PTPRG: variants seen among roughly 807,000 people sequenced by gnomAD.
PTPRG encodes the protein protein tyrosine phosphatase receptor type G, also known as receptor-type tyrosine-protein phosphatase gamma.
A neutral mutation model predicts 165.3 loss-of-function variants in PTPRG; 102 were observed. The observed-to-expected ratio is 0.62, with a 90% confidence interval of 0.53 to 0.73. PTPRG has a LOEUF of 0.73. Among genes scored for constraint, PTPRG ranks in the 30% least tolerant of loss-of-function variants. The pLI, the probability that PTPRG is intolerant of heterozygous loss-of-function variation, is 0.00. For missense variants in PTPRG, 1,866 were observed against 1,861.4 expected (o/e 1.00, Z -0.05); for synonymous variants, 675 against 669.5 (o/e 1.01, Z -0.13).
intron 2 of PTPRG, among the ~76,000 whole-genome samples, chr3:61,849,794 A>T (rs1575720238): frequency 6.6e-6 from 1 of 152,316 alleles, no homozygotes. Flanking sequence ...TGGGGTGCTT[A>T]ACTACAGACT....
At chr3:62,006,476 C>T (rs377504706) in intron 4 of PTPRG, among the ~76,000 whole-genome samples, 1 of 152,098 alleles carries the variant, frequency 6.6e-6, no homozygotes. Flanking sequence ...CATATAACTA[C>T]ATTGTTTTCC....
intron 26 of PTPRG, among the ~76,000 whole-genome samples, chr3:62,279,037 G>T (rs1427060096): frequency 6.6e-6 from 1 of 152,014 alleles, no homozygotes; most frequent in East Asian, 1.9e-4. Context: ...GTGTCTCTCT[G>T]AGGCCTCAGA....
In PTPRG at chr3:61,953,722, C is replaced by T. The variant is rs1004447618; in HGVS notation, c.191-35903C>T. Among the ~76,000 whole-genome samples the T allele has an allele frequency of 2.6e-5, 4 of 152,172 alleles. No homozygotes were observed. In the South Asian group the frequency reaches 8.3e-4, roughly 32 times the overall value. ...AGAAGGGTGATGGAGATGCACCTTC[C>T]ATTCTTTCAGCACGTCAGTCATACT... On this transcript the variant is annotated intron_variant, in intron 2 of 29. Coordinates refer to ENST00000474889, the MANE Select transcript of PTPRG (RefSeq NM_002841.4).
At chr3:61,975,003 T>A (rs2040469463) in intron 2 of PTPRG, among the ~76,000 whole-genome samples, 1 of 152,242 alleles carries the variant, frequency 6.6e-6, no homozygotes, top group Admixed American at 6.5e-5. Context: ...GCCATCTCTC[T>A]GAGTTTGAAT....
chr3:61,672,063 G>C (rs1245681559), intron 1 of PTPRG, among the ~76,000 whole-genome samples: 1 of 147,340 alleles, frequency 6.8e-6, no homozygotes, highest in Non-Finnish European at 1.5e-5. Context: ...GGGCAGAGAC[G>C]CTCCTCACAT....
At chr3:61,621,449 C>T (rs1701455244) in intron 1 of PTPRG, among the ~76,000 whole-genome samples, 2 of 152,184 alleles carry the variant, frequency 1.3e-5, no homozygotes, top group South Asian at 4.1e-4. Context: ...GGGGTGTAGG[C>T]ATGAAATAGC....
rs1700458057 is a variant in PTPRG, at chr3:62,214,834, C to A, written c.2156-4017C>A. ...GGTTTAAGTTATTGGTTAAAAGTCA[C>A]ACAGAAAATGGCCAAGCCAGGATTT... On this transcript the variant is annotated intron_variant, in intron 12 of 29. Transcript: ENST00000474889. The surrounding 1 kb of genome is among the most constrained non-coding windows in gnomAD (Gnocchi z 5.2). 6.6e-6 allele frequency among the ~76,000 whole-genome samples: 1 copy of A among 152,202 alleles called. No individual in the cohort carries two copies. The highest frequency in any genetic ancestry group is 2.4e-5 in the African/African-American group (1 of 41,450).
chr3:61,975,341 G>A (rs190233432), intron 2 of PTPRG, among the ~76,000 whole-genome samples: 17 of 152,270 alleles, frequency 1.1e-4, no homozygotes, highest in African/African-American at 4.1e-4. Flanking sequence ...CTCTTTGAAA[G>A]CACTTAGCAC....
chr3:62,187,760 G>C (rs1470118244), intron 8 of PTPRG, among the ~76,000 whole-genome samples: 2 of 152,130 alleles, frequency 1.3e-5, no homozygotes, highest in Non-Finnish European at 2.9e-5. Flanking sequence ...CAGGATGGGG[G>C]GTAGAGAACA....
At chr3:62,059,987 T>G (rs1036371194) in intron 4 of PTPRG, among the ~76,000 whole-genome samples, 3 of 152,130 alleles carry the variant, frequency 2.0e-5, no homozygotes, top group Non-Finnish European at 2.9e-5. Flanking sequence ...CTTTCCTTTA[T>G]AAATTACCAG....
chr3:61,679,448 A>G (rs886978080), intron 1 of PTPRG, among the ~76,000 whole-genome samples: 2 of 152,336 alleles, frequency 1.3e-5, no homozygotes, highest in Admixed American at 1.3e-4. Flanking sequence ...TGGTCAGTAC[A>G]TGCAGAACCT....
chr3:62,083,258 C>CTTTTT (rs35015867), intron 5 of PTPRG, among the ~76,000 whole-genome samples: 1 of 146,414 alleles, frequency 6.8e-6, no homozygotes, highest in African/African-American at 2.5e-5. Flanking sequence ...TTTGCCATTA[C>CTTTTT]TTTTTTTTTT....
intron 2 of PTPRG, among the ~76,000 whole-genome samples, chr3:61,790,343 CT>C (rs947965991): frequency 2.0e-5 from 3 of 152,228 alleles, no homozygotes; most frequent in Admixed American, 6.5e-5. Context: ...GGAACACCAT[CT>C]TGTCTTCATC....
intron 5 of PTPRG, among the ~76,000 whole-genome samples, chr3:62,084,576 G>T (rs1472073392): frequency 6.6e-6 from 1 of 152,104 alleles, no homozygotes; most frequent in Non-Finnish European, 1.5e-5. Context: ...TCTCCATCTG[G>T]AGAGGCTTAG....
At chr3:61,759,531 C>A (rs1206319382) in intron 2 of PTPRG, among the ~76,000 whole-genome samples, 1 of 152,112 alleles carries the variant, frequency 6.6e-6, no homozygotes, top group African/African-American at 2.4e-5. Context: ...TAGCTCACGC[C>A]TGTAAGTCCC....
chr3:61,574,779 C>T (rs1700138635), intron 1 of PTPRG, among the ~76,000 whole-genome samples: 1 of 152,150 alleles, frequency 6.6e-6, no homozygotes, highest in African/African-American at 2.4e-5. Context: ...TTTTGTGCTG[C>T]ATCATAACAT....
chr3:61,655,076 C>A (rs547101418), intron 1 of PTPRG, among the ~76,000 whole-genome samples: 2 of 151,978 alleles, frequency 1.3e-5, no homozygotes, highest in African/African-American at 4.8e-5. Context: ...CGTGAGCCAC[C>A]GCACCCGGCC....
At chr3:62,061,331 G>T (rs755898630) in intron 4 of PTPRG, among the ~76,000 whole-genome samples, 2 of 152,110 alleles carry the variant, frequency 1.3e-5, no homozygotes, top group Non-Finnish European at 2.9e-5. Flanking sequence ...TTAAGGTATC[G>T]TATCTCTGGA....
intron 2 of PTPRG, among the ~76,000 whole-genome samples, chr3:61,948,445 A>T (rs1304242204): frequency 6.6e-6 from 1 of 152,198 alleles, no homozygotes; most frequent in East Asian, 1.9e-4. Flanking sequence ...GGTGCTGGGA[A>T]TTCAGTAGTG....
Sources: gnomAD v4.1 joint callset for allele counts (sites outside exome capture counted in the v4.1 genomes callset) on GRCh38, gnomAD v4.1.1 for gene constraint, Gnocchi (gnomAD v3.1) non-coding constraint, MANE v1.5 for transcripts, NCBI Gene and HGNC (gene_info 2026-07-23, HGNC 2026-07-21) for gene names.